FAM9A: variants seen among roughly 807,000 people sequenced by gnomAD.
FAM9A encodes protein FAM9A.
FAM9A carries 49 observed loss-of-function variants against 25.0 expected under a neutral mutation model. The ratio of observed to expected loss-of-function variants is 1.96; its 90% CI spans 1.56 to 2.48. The LOEUF is 2.48. FAM9A is among the 30% of genes most tolerant of loss of function. The pLI, the probability that FAM9A is intolerant of heterozygous loss-of-function variation, is 0.00. For synonymous variants in FAM9A, 80 were observed against 85.1 expected, an observed-to-expected ratio of 0.94 and a Z score of 0.33; for missense variants, 266 against 249.3, an observed-to-expected ratio of 1.07 and a Z score of -0.45.
At chrX:8,794,660 C>T (rs1340831585) in intron 7 of FAM9A, among the ~76,000 whole-genome samples, 1 of 111,392 alleles carries the variant, frequency 9.0e-6, no homozygotes, top group African/African-American at 3.3e-5. Context: ...ACCCGACACC[C>T]ACTGAATGGA....
In FAM9A at chrX:8,798,873, T is replaced by C. The variant is rs182946669; in HGVS notation, c.220+93A>G. 527 of 1,171,782 alleles carry C rather than the reference T, an allele frequency of 4.5e-4. 3 individuals carry two copies. In the East Asian group the frequency reaches 0.014, roughly 32 times the overall value. On this transcript the variant is annotated intron_variant, in intron 3 of 9. Transcript: ENST00000381003. ...TCCAAAGCCACGAAGGGGCCAGGGG[T>C]CTCGGGCTGCCCATGTGCCTCCCGC...
chrX:8,797,730 C>T (rs905436892), intron 5 of FAM9A, among the ~76,000 whole-genome samples: 8 of 110,700 alleles, frequency 7.2e-5, no homozygotes, highest in Admixed American at 4.8e-4. Flanking sequence ...ATACCAAACC[C>T]CTGTGACACG....
chrX:8,796,455 T>G lies in FAM9A; in HGVS notation c.374-73A>C. ...TTCTTCGCATATATTGAAATCAACG[T>G]GAGATATGATGGTTCAGCAATATCG... On this transcript the variant is annotated intron_variant, in intron 5 of 9. Transcript: ENST00000381003. The G allele has an allele frequency of 4.8e-6, 3 of 619,605 alleles. No individual in the cohort carries two copies. In the South Asian group the frequency reaches 7.9e-5, roughly 16 times the overall value. The allele number at this position is 619,605 out of a possible 1,213,427, so 51.1% of individuals were successfully genotyped here.
At chrX:8,797,536 G>A (rs1933547412) in intron 5 of FAM9A, among the ~76,000 whole-genome samples, 1 of 111,518 alleles carries the variant, frequency 9.0e-6, no homozygotes, top group Non-Finnish European at 1.9e-5. Context: ...TCAGAAAGCT[G>A]TGACAATAGA....
In FAM9A at chrX:8,791,115, T is replaced by C; in HGVS notation, c.*89A>G. 2.7e-6 allele frequency: 1 copy of C among 375,994 alleles called. No individual in the cohort carries two copies. Among genetic ancestry groups the C allele is most frequent in the Non-Finnish European group, 4.6e-6 (1 of 215,953 alleles). The allele number at this position is 375,994 out of a possible 1,213,427, so 31.0% of individuals were successfully genotyped here. A position where few individuals can be genotyped will look rare whatever the true frequency, so the allele number is the denominator to read the frequency against. On this transcript the variant is annotated 3_prime_UTR_variant, in exon 10 of 10. Coordinates refer to ENST00000381003, the MANE Select transcript of FAM9A (RefSeq NM_174951.3). ...ATATAACATAGGTTCAAGTTCTTTC[T>C]TCAGTCATCAGAATAACAGAGGTTG... is the stretch of plus-strand genomic sequence containing the variant.
chrX:8,794,208 A>G (rs1474407469), intron 7 of FAM9A, among the ~76,000 whole-genome samples: 1 of 111,495 alleles, frequency 9.0e-6, no homozygotes, highest in Non-Finnish European at 1.9e-5. Flanking sequence ...CTAATCTCCA[A>G]CAACAGTGTT....
At chrX:8,798,506 A>AT (rs1471085165) in intron 3 of FAM9A, 27 bp from the exon 4 acceptor site, 14 of 1,199,104 alleles carry the variant, frequency 1.2e-5, no homozygotes, top group African/African-American at 1.8e-5. Context: ...AAGACAAACC[A>AT]TTTTTAGAGG....
At position 8,795,128 on chromosome X, in the gene FAM9A, TTTC is replaced by T; in HGVS notation, c.778_780del (p.Glu260del). ...TCTTCTTCCTCTTCCTCTTCTTCTG[TTTC>T]TTCTCCTTCTCCTCCTCCTCCTCCT... On this transcript the variant is annotated inframe_deletion, in exon 7 of 10. Coordinates refer to ENST00000381003, the MANE Select transcript of FAM9A (RefSeq NM_174951.3). 2 of 1,132,297 alleles carry T rather than the reference TTTC, an allele frequency of 1.8e-6. No individual in the cohort carries two copies. Among genetic ancestry groups the T allele is most frequent in the Non-Finnish European group, 1.2e-6 (1 of 839,019 alleles). 93.3% of individuals were successfully genotyped at this position (1,132,297 alleles called of 1,213,427 possible). A position where few individuals can be genotyped will look rare whatever the true frequency, so the allele number is the denominator to read the frequency against.
chrX:8,791,248 T>C, intron 9 of FAM9A, 32 bp downstream of exon 9: 1 of 982,746 alleles, frequency 1.0e-6, no homozygotes, highest in Non-Finnish European at 1.4e-6. Context: ...ACATCAATCC[T>C]GAGTTTTTAA....
At chrX:8,798,819 T>G in intron 3 of FAM9A, 147 bp downstream of exon 3, 1 of 1,004,471 alleles carries the variant, frequency 1.0e-6, no homozygotes. Flanking sequence ...TTTGAAAACC[T>G]GGGGCCTCTT....
intron 8 of FAM9A, among the ~76,000 whole-genome samples, chrX:8,792,254 G>A (rs893170061): frequency 1.8e-5 from 2 of 110,756 alleles, no homozygotes; most frequent in Admixed American, 9.7e-5. Flanking sequence ...GAACTGAGAC[G>A]GGGCATCACT....
At chrX:8,796,178 T>C (rs1040439995) in intron 6 of FAM9A, 90 bp downstream of exon 6, 11 of 695,402 alleles carry the variant, frequency 1.6e-5, no homozygotes, top group Non-Finnish European at 2.4e-5. Context: ...GAGACGCCAA[T>C]ATGTACAGGA....
At position 8,798,565 on chromosome X, in the gene FAM9A, C is replaced by A. The variant is rs112014143; in HGVS notation, c.221-86G>T. 5.7e-5 allele frequency: 66 copies of A among 1,155,165 alleles called. 2 individuals are homozygous for A. Among genetic ancestry groups the A allele is most frequent in the African/African-American group, 4.9e-4 (27 of 55,261 alleles). On this transcript the variant is annotated intron_variant, in intron 3 of 9. Coordinates refer to ENST00000381003, the MANE Select transcript of FAM9A (RefSeq NM_174951.3). ...TGTAGAGAAACTTATTATTTGTGGA[C>A]TTTTTTGGCTCTCTACCAATTAAAG...
Position 8,791,371 on chromosome X carries a change from C to T in FAM9A, c.939G>A (p.Lys313=). 8.3e-7 allele frequency: 1 copy of T among 1,197,632 alleles called. No homozygotes were observed. Among genetic ancestry groups the T allele is most frequent in the Non-Finnish European group, 1.1e-6 (1 of 888,737 alleles). ...PLLEQLLKAA[K]DTKDNYCIIS... Reference sequence around the variant, plus strand: ...TGATGCAATAATTGTCTTTAGTGTCCTTGGCAGCCTAAAAGAAAAAGTCTA... The same window carrying T: ...TGATGCAATAATTGTCTTTAGTGTCTTTGGCAGCCTAAAAGAAAAAGTCTA... The change falls in exon 9 of 10, where the codon AAG becomes AAA. Residue 313 remains lysine (K), a synonymous_variant. Coordinates refer to ENST00000381003, the MANE Select transcript of FAM9A (RefSeq NM_174951.3).
At chrX:8,800,674 C>A (rs1192517583) in intron 1 of FAM9A, among the ~76,000 whole-genome samples, 3 of 101,928 alleles carry the variant, frequency 2.9e-5, no homozygotes, top group African/African-American at 7.2e-5. Context: ...TCGAACTGTC[C>A]CCCACAACAC....
In FAM9A at chrX:8,791,272, C is replaced by T. The variant is rs1933467170; in HGVS notation, c.*31+8G>A. 2 of 1,106,367 alleles carry T rather than the reference C, an allele frequency of 1.8e-6. No homozygotes were observed. Among genetic ancestry groups the T allele is most frequent in the South Asian group, 2.1e-5 (1 of 48,509 alleles). 91.2% of individuals were successfully genotyped at this position (1,106,367 alleles called of 1,213,427 possible). On this transcript the variant is annotated splice_region_variant and intron_variant, in intron 9 of 9. Coordinates refer to ENST00000381003, the MANE Select transcript of FAM9A (RefSeq NM_174951.3). The stretch of plus-strand genomic sequence containing the variant: ...CTGAGTTTTTAAACTTAAATATGCA[C>T]TACTTACAGTTCTGACACGATTCTT...
intron 5 of FAM9A, among the ~76,000 whole-genome samples, chrX:8,796,867 T>G (rs940518914): frequency 4.9e-4 from 55 of 112,105 alleles, no homozygotes; most frequent in African/African-American, 1.7e-3. Context: ...TTGATGCTAT[T>G]AACTGTATTT....
chrX:8,797,590 A>T (rs775008816), intron 5 of FAM9A, among the ~76,000 whole-genome samples: 4 of 111,628 alleles, frequency 3.6e-5, no homozygotes, highest in Non-Finnish European at 7.5e-5. Flanking sequence ...AAAACTCTTG[A>T]GTACATACGG....
At position 8,799,093 on chromosome X, in the gene FAM9A, AC is replaced by A; in HGVS notation, c.92del (p.Gly31ValfsTer66). 4 of 1,206,444 alleles carry A rather than the reference AC, an allele frequency of 3.3e-6. No individual in the cohort carries two copies. Among genetic ancestry groups the A allele is most frequent in the Non-Finnish European group, 4.5e-6 (4 of 892,079 alleles). On this transcript the variant is annotated frameshift_variant and splice_region_variant, in exon 3 of 10. Coordinates refer to ENST00000381003, the MANE Select transcript of FAM9A (RefSeq NM_174951.3). LOFTEE classifies it high-confidence loss of function. ...CTGGGAAGTTAGAGGCGATCCCTGA[AC>A]CTGGTTGAGTGCAAAGTCAAACTAA... ...VTAAQGATKE[G>X]SGIASNFPGQ...
Sources: allele counts gnomAD v4.1 joint callset (sites outside exome capture counted in the v4.1 genomes callset), GRCh38; gene constraint gnomAD v4.1.1; transcripts MANE v1.5; gene names NCBI Gene and HGNC (gene_info 2026-07-23, HGNC 2026-07-21).